The following SHANK2 variants were observed in gnomAD, a reference collection of about 807,000 sequenced individuals.
The protein encoded by SHANK2 is SH3 and multiple ankyrin repeat domains 2.
Under a neutral mutation model 133.7 loss-of-function variants are expected in SHANK2, and 43 were observed. The observed-to-expected ratio is 0.32, with a 90% CI of 0.25 to 0.41. The LOEUF is 0.41. Among genes scored for constraint, SHANK2 ranks in the 10% least tolerant of loss-of-function variants. The pLI is 1.00. For missense variants in SHANK2, 1,994 were observed against 2,235.8 expected (o/e 0.89, Z 2.18); for synonymous variants, 1,017 against 952.8 (o/e 1.07, Z -1.24).
At chr11:70,656,672 C>T (rs1169564120) in intron 17 of SHANK2, among the ~76,000 whole-genome samples, 1 of 152,148 alleles carries the variant, frequency 6.6e-6, no homozygotes, top group Non-Finnish European at 1.5e-5. Flanking sequence ...AATGTCCCTA[C>T]CCGTGGGACA....
At chr11:70,586,877 G>A (rs776927014) in intron 17 of SHANK2, among the ~76,000 whole-genome samples, 10 of 152,114 alleles carry the variant, frequency 6.6e-5, no homozygotes, top group Non-Finnish European at 1.3e-4. Context: ...GTCACTCCTG[G>A]GAAAGATGAA....
At chr11:70,519,167 A>C (rs986269319) in intron 17 of SHANK2, among the ~76,000 whole-genome samples, 3 of 152,054 alleles carry the variant, frequency 2.0e-5, no homozygotes, top group Non-Finnish European at 4.4e-5. Context: ...TGGGCCTCCC[A>C]AAGTGCTAGG....
intron 17 of SHANK2, among the ~76,000 whole-genome samples, chr11:70,531,904 C>T (rs2059478618): frequency 6.6e-6 from 1 of 152,174 alleles, no homozygotes; most frequent in Non-Finnish European, 1.5e-5. Flanking sequence ...CTCTGCCAAA[C>T]CTTCCCGGAG....
chr11:70,526,580 T>A (rs924111861), intron 17 of SHANK2, among the ~76,000 whole-genome samples: 2 of 152,156 alleles, frequency 1.3e-5, no homozygotes, highest in Non-Finnish European at 2.9e-5. Context: ...ACCTGCTGAG[T>A]GTGCTTAGCC....
chr11:71,167,546 C>T (rs868936089), intron 2 of SHANK2, among the ~76,000 whole-genome samples: 51 of 84,650 alleles, frequency 6.0e-4, no homozygotes, highest in East Asian at 2.0e-3. Context: ...GGGGGGCTGA[C>T]CCCCCCACCT....
intron 14 of SHANK2, chr11:70,705,351 C>T (rs1337580768): frequency 6.6e-6 from 1 of 152,096 alleles, no homozygotes; most frequent in Non-Finnish European, 1.5e-5. Context: ...TCCTGTGGGC[C>T]AGTACATCCT....
In SHANK2 at chr11:70,820,532, T is replaced by G. The variant is rs1380493667; in HGVS notation, c.1325A>C (p.His442Pro). ...DWAVCSTATS[H>P]RSLSPQLLQQ... Reference sequence around the variant, plus strand: ...CAGCAGCTGGGGTGACAGGCTGCGGTGCGAGGTGGCCGTGGAGCAGACGGC... The same window carrying G: ...CAGCAGCTGGGGTGACAGGCTGCGGGGCGAGGTGGCCGTGGAGCAGACGGC... Residue 442 changes from histidine to proline, a missense_variant, in exon 12 of 26, where the codon CAC becomes CCC. His to Pro is a moderately conservative substitution (Grantham distance 77). Coordinates refer to ENST00000601538, the MANE Select transcript of SHANK2 (RefSeq NM_012309.5). The G allele has an allele frequency of 1.4e-6, 1 of 716,846 alleles. No individual in the cohort carries two copies. Among genetic ancestry groups the G allele is most frequent in the Non-Finnish European group, 2.6e-6 (1 of 384,760 alleles). 44.4% of individuals were successfully genotyped at this position (716,846 alleles called of 1,614,324 possible). A position where few individuals can be genotyped will look rare whatever the true frequency, so the allele number is the denominator to read the frequency against.
At chr11:70,904,862 G>A (rs1330119632) in intron 10 of SHANK2, among the ~76,000 whole-genome samples, 2 of 152,142 alleles carry the variant, frequency 1.3e-5, no homozygotes, top group Non-Finnish European at 2.9e-5. Context: ...TTTGCCTGCC[G>A]CCATCCATGT....
intron 6 of SHANK2, among the ~76,000 whole-genome samples, chr11:71,103,658 C>G (rs186250047): frequency 6.6e-6 from 1 of 152,150 alleles, no homozygotes; most frequent in Non-Finnish European, 1.5e-5. Context: ...CCAAATCTCA[C>G]GTGGAGATGT....
chr11:71,169,705 C>T (rs782255117), intron 2 of SHANK2, among the ~76,000 whole-genome samples: 1 of 145,178 alleles, frequency 6.9e-6, no homozygotes, highest in Non-Finnish European at 1.5e-5. Context: ...GAGCTGAGAT[C>T]GTACCACTGC....
rs565871087 is a variant in SHANK2, at chr11:70,535,682, C to A, written c.2062-32751G>T. On this transcript the variant is annotated intron_variant, in intron 17 of 25. Coordinates refer to ENST00000601538, the MANE Select transcript of SHANK2 (RefSeq NM_012309.5). This position sits in a 1 kb window ranked among gnomAD's most constrained non-coding sequence, Gnocchi z 4.3. ...CCTGGCCCCGCCTTTAAGGGCTGCACAGTTGGGCAGGAGGATGGCCACCCA... is the reference window on the plus strand; with the variant it reads ...CCTGGCCCCGCCTTTAAGGGCTGCAAAGTTGGGCAGGAGGATGGCCACCCA... Among the ~76,000 whole-genome samples the A allele has an allele frequency of 6.6e-6, 1 of 152,358 alleles. No individual in the cohort carries two copies. Among genetic ancestry groups the A allele is most frequent in the South Asian group, 2.1e-4 (1 of 4,832 alleles).
intron 11 of SHANK2, among the ~76,000 whole-genome samples, chr11:70,843,140 G>C (rs1948935968): frequency 6.6e-6 from 1 of 152,106 alleles, no homozygotes; most frequent in South Asian, 2.1e-4. Context: ...TCAGGTCATG[G>C]GGTCAGGGAG....
intron 6 of SHANK2, among the ~76,000 whole-genome samples, chr11:71,103,746 C>A (rs1453980771): frequency 6.6e-6 from 1 of 151,968 alleles, no homozygotes; most frequent in Admixed American, 6.5e-5. Flanking sequence ...TGGTTTAGCA[C>A]CATCCCCTTC....
At chr11:70,615,653 C>A (rs1472639072) in intron 17 of SHANK2, among the ~76,000 whole-genome samples, 1 of 152,180 alleles carries the variant, frequency 6.6e-6, no homozygotes, top group Non-Finnish European at 1.5e-5. Flanking sequence ...AAGCAATGAA[C>A]CAGTTCATGG....
chr11:70,623,644 C>CCCCCATTTCATCAAATGGG (rs1294341251), intron 17 of SHANK2, among the ~76,000 whole-genome samples: 1 of 152,176 alleles, frequency 6.6e-6, no homozygotes, highest in Admixed American at 6.5e-5. Flanking sequence ...AGGTCTGATA[C>CCCCCATTTCATCAAATGGG]AGTAGCCCCA....
intron 21 of SHANK2, among the ~76,000 whole-genome samples, chr11:70,492,921 G>C (rs1455284456): frequency 6.7e-6 from 1 of 148,772 alleles, no homozygotes; most frequent in African/African-American, 2.5e-5. Context: ...TCAGCCTCAA[G>C]AGTAGCTGGG....
chr11:70,676,181 A>G (rs538633398), intron 15 of SHANK2, among the ~76,000 whole-genome samples: 85 of 152,176 alleles, frequency 5.6e-4, no homozygotes, highest in African/African-American at 1.9e-3. Flanking sequence ...TCTCCACCAC[A>G]CCCAGCTCCT....
At position 70,502,820 on chromosome 11, in the gene SHANK2, G is replaced by A; in HGVS notation, c.2173C>T (p.Pro725Ser). 1 of 1,613,044 alleles carries A rather than the reference G, an allele frequency of 6.2e-7. No individual in the cohort carries two copies. The highest frequency in any genetic ancestry group is 8.5e-7 in the Non-Finnish European group (1 of 1,179,846). Reference protein sequence around the residue: ...KVVTVTRNLDPDDTARKKAPP... With the variant: ...KVVTVTRNLDSDDTARKKAPP... ...CCTTTCTTCCTGGCGGTGTCGTCGG[G>A]GTCCAGATTCCTGGTCACCGTGACC... Residue 725 changes from proline to serine, a missense_variant, in exon 18 of 26, where the codon CCC (proline) becomes TCC (serine). Coordinates refer to ENST00000601538, the MANE Select transcript of SHANK2 (RefSeq NM_012309.5).
chr11:70,536,010 G>A (rs547428130), intron 17 of SHANK2, among the ~76,000 whole-genome samples: 2 of 152,368 alleles, frequency 1.3e-5, no homozygotes, highest in Admixed American at 1.3e-4. Context: ...GCCCTACAGG[G>A]CCCAACTCTC....
Sources: allele counts gnomAD v4.1 joint callset (sites outside exome capture counted in the v4.1 genomes callset), GRCh38; gene constraint gnomAD v4.1.1; non-coding constraint Gnocchi (gnomAD v3.1); transcripts MANE v1.5; gene names NCBI Gene and HGNC (gene_info 2026-07-23, HGNC 2026-07-21).